Variants in MIPOL1 observed in about 807,000 individuals in gnomAD.
The protein encoded by MIPOL1 is mirror-image polydactyly 1.
MIPOL1 carries 57 observed loss-of-function variants against 60.9 expected under a neutral mutation model. That is an observed-to-expected ratio of 0.94 (90% confidence interval 0.76 to 1.17). The LOEUF is 1.17. Ranked by LOEUF, MIPOL1 falls within the 50% of genes most tolerant of loss-of-function variation. MIPOL1 has a pLI of 0.00. For synonymous variants in MIPOL1, 179 were observed against 168.8 expected, an observed-to-expected ratio of 1.06 and a Z score of -0.47; for missense variants, 551 against 511.6, an observed-to-expected ratio of 1.08 and a Z score of -0.74.
intron 3 of MIPOL1, among the ~76,000 whole-genome samples, chr14:37,248,975 A>AGGATGGATGGATGGAT (rs3061903): frequency 2.7e-5 from 4 of 149,410 alleles, no homozygotes; most frequent in Non-Finnish European, 4.5e-5. Flanking sequence ...AACAAATGGA[A>AGGATGGATGGATGGAT]GGATGGATGG....
intron 4 of MIPOL1, 106 bp from the exon 5 acceptor site, chr14:37,268,552 C>T: frequency 1.2e-6 from 1 of 826,506 alleles, no homozygotes; most frequent in South Asian, 1.8e-5. Flanking sequence ...CTTTCCCTTC[C>T]TTTATGGTGT....
rs1052451992 is a variant in MIPOL1, at chr14:37,400,299, A to G, written c.937-22556A>G. ...CAAAACTTATTGACTCGCTCACTGG[A>G]TATGGGAAATGGAGGAGATGTTTGA... On this transcript the variant is annotated intron_variant, in intron 10 of 12. Transcript: ENST00000684589. 13 of 152,128 alleles carry G rather than the reference A, an allele frequency of 8.5e-5. 1 individual carries two copies. Among genetic ancestry groups the G allele is most frequent in the Admixed American group, 2.0e-4 (3 of 15,270 alleles). The allele number at this position is 152,128 out of a possible 1,614,324, so 9.4% of individuals were successfully genotyped here.
intron 7 of MIPOL1, among the ~76,000 whole-genome samples, chr14:37,298,387 C>A (rs1364151060): frequency 6.6e-6 from 1 of 151,988 alleles, no homozygotes; most frequent in African/African-American, 2.4e-5. Flanking sequence ...GGACATTGGC[C>A]TGGGCAAGGA....
At chr14:37,295,168 G>T (rs143525418) in intron 7 of MIPOL1, among the ~76,000 whole-genome samples, 4,142 of 152,228 alleles carry the variant, frequency 0.027, 205 homozygotes, top group African/African-American at 0.094. Context: ...TTAAAGAAAA[G>T]AATTTTCAAC....
intron 9 of MIPOL1, among the ~76,000 whole-genome samples, chr14:37,328,502 G>A (rs1480978657): frequency 6.6e-6 from 1 of 151,706 alleles, no homozygotes; most frequent in Non-Finnish European, 1.5e-5. Flanking sequence ...TAATAAAAAT[G>A]AATTGCCAAA....
chr14:37,351,485 C>T (rs553710987), intron 9 of MIPOL1, among the ~76,000 whole-genome samples: 1 of 151,942 alleles, frequency 6.6e-6, no homozygotes, highest in African/African-American at 2.4e-5. Flanking sequence ...AATCGCCACA[C>T]TTACTTCCAC....
chr14:37,307,593 C>G (rs1400530291), intron 7 of MIPOL1, among the ~76,000 whole-genome samples: 1 of 151,900 alleles, frequency 6.6e-6, no homozygotes. Context: ...GAGATTTTTA[C>G]TTCAAATTTA....
chr14:37,202,024 A>G (rs913292736), intron 1 of MIPOL1, among the ~76,000 whole-genome samples: 2 of 152,124 alleles, frequency 1.3e-5, no homozygotes, highest in African/African-American at 4.8e-5. Context: ...TTGTTGAGAC[A>G]GAGTCTACCT....
intron 9 of MIPOL1, among the ~76,000 whole-genome samples, chr14:37,358,824 G>A (rs1043246606): frequency 6.6e-6 from 1 of 152,114 alleles, no homozygotes; most frequent in Non-Finnish European, 1.5e-5. Flanking sequence ...CTGTGCAGAA[G>A]CTCTTTAGTT....
intron 6 of MIPOL1, among the ~76,000 whole-genome samples, chr14:37,271,212 C>G (rs1252909105): frequency 6.6e-6 from 1 of 151,900 alleles, no homozygotes; most frequent in Non-Finnish European, 1.5e-5. Context: ...CTGTGTATGC[C>G]ACTGTGAATG....
At chr14:37,423,850 C>A (rs1017015082) in intron 11 of MIPOL1, 2 of 152,038 alleles carry the variant, frequency 1.3e-5, no homozygotes, top group African/African-American at 4.8e-5. Flanking sequence ...GATATACATG[C>A]ATCATTATTA....
intron 1 of MIPOL1, among the ~76,000 whole-genome samples, chr14:37,228,800 A>G (rs553173690): frequency 5.9e-5 from 9 of 152,296 alleles, no homozygotes; most frequent in African/African-American, 1.9e-4. Context: ...AAATACTGAA[A>G]ACAATTTGTG....
At chr14:37,405,647 T>A (rs1461777138) in intron 10 of MIPOL1, among the ~76,000 whole-genome samples, 1 of 152,056 alleles carries the variant, frequency 6.6e-6, no homozygotes, top group Non-Finnish European at 1.5e-5. Flanking sequence ...AAACTGTTCA[T>A]AAATGAGAGA....
intron 11 of MIPOL1, among the ~76,000 whole-genome samples, chr14:37,491,480 GA>G (rs1200186654): frequency 6.6e-6 from 1 of 152,164 alleles, no homozygotes; most frequent in Admixed American, 6.5e-5. Context: ...AGTGAGCTGA[GA>G]TCATGCCACT....
At chr14:37,472,617 T>G (rs2094704507) in intron 11 of MIPOL1, among the ~76,000 whole-genome samples, 1 of 152,126 alleles carries the variant, frequency 6.6e-6, no homozygotes. Context: ...TAAAGATAAT[T>G]TTATCTAGCC....
chr14:37,356,085 G>T (rs2091793982), intron 9 of MIPOL1, among the ~76,000 whole-genome samples: 1 of 148,508 alleles, frequency 6.7e-6, no homozygotes, highest in East Asian at 2.0e-4. Flanking sequence ...ATGGGTTTTT[G>T]GTGTGGATGT....
chr14:37,309,453 C>G (rs1296001247), intron 9 of MIPOL1, among the ~76,000 whole-genome samples: 4 of 152,068 alleles, frequency 2.6e-5, no homozygotes, highest in South Asian at 2.1e-4. Context: ...CAGCCTACTC[C>G]TGTCATAATT....
At chr14:37,257,195 G>A (rs530925793) in intron 3 of MIPOL1, among the ~76,000 whole-genome samples, 24 of 150,892 alleles carry the variant, frequency 1.6e-4, no homozygotes, top group Admixed American at 3.3e-4. Flanking sequence ...ATGTAATGAT[G>A]CCATATAGAG....
chr14:37,420,198 G>A (rs2093847881), intron 10 of MIPOL1, among the ~76,000 whole-genome samples: 1 of 151,866 alleles, frequency 6.6e-6, no homozygotes, highest in African/African-American at 2.4e-5. Flanking sequence ...GCTTATATAT[G>A]TACAGACTAT....
Sources: allele counts gnomAD v4.1 joint callset (sites outside exome capture counted in the v4.1 genomes callset), GRCh38; gene constraint gnomAD v4.1.1; transcripts MANE v1.5; gene names NCBI Gene and HGNC (gene_info 2026-07-23, HGNC 2026-07-21).